KDM7A: variants seen among roughly 807,000 people sequenced by gnomAD.
The protein encoded by KDM7A is lysine demethylase 7A, also known as lysine-specific demethylase 7A.
KDM7A carries 28 observed loss-of-function variants against 114.8 expected under a neutral mutation model. The ratio of observed to expected loss-of-function variants is 0.24; its 90% CI spans 0.18 to 0.33. The LOEUF is 0.33. Among genes scored for constraint, KDM7A ranks in the 10% least tolerant of loss-of-function variants. The pLI is 1.00. For missense variants in KDM7A, 942 were observed against 1,142.5 expected, an observed-to-expected ratio of 0.82 and a Z score of 2.53; for synonymous variants, 423 against 397.8, an observed-to-expected ratio of 1.06 and a Z score of -0.75.
chr7:140,108,341 T>C (rs1818375921), intron 11 of KDM7A, among the ~76,000 whole-genome samples: 1 of 152,248 alleles, frequency 6.6e-6, no homozygotes, highest in South Asian at 2.1e-4. Context: ...TGCGTTCCTC[T>C]GGAGGGGAAG....
intron 2 of KDM7A, among the ~76,000 whole-genome samples, chr7:140,137,005 TAA>T (rs57147468): frequency 1.6e-4 from 23 of 142,080 alleles, no homozygotes; most frequent in African/African-American, 3.1e-4. Flanking sequence ...AAAAATAAAT[TAA>T]AAAAAAAAAA....
At chr7:140,159,622 T>C (rs1337309989) in intron 1 of KDM7A, among the ~76,000 whole-genome samples, 2 of 152,230 alleles carry the variant, frequency 1.3e-5, no homozygotes, top group Non-Finnish European at 2.9e-5. Context: ...TCCTGAGAAG[T>C]TGATCATCAA....
intron 19 of KDM7A, among the ~76,000 whole-genome samples, chr7:140,091,580 A>G (rs1466922143): frequency 6.6e-6 from 1 of 152,146 alleles, no homozygotes; most frequent in African/African-American, 2.4e-5. Flanking sequence ...CAGCCTGGCT[A>G]ACCCCTGAAC....
chr7:140,101,804 G>A (rs1036186382), intron 12 of KDM7A, 147 bp downstream of exon 12: 5 of 630,798 alleles, frequency 7.9e-6, no homozygotes, highest in Non-Finnish European at 1.1e-5. Flanking sequence ...ACCACTCCCT[G>A]TCACAGGCAT....
intron 1 of KDM7A, among the ~76,000 whole-genome samples, chr7:140,167,647 TA>T (rs1352435370): frequency 6.6e-6 from 1 of 151,838 alleles, no homozygotes; most frequent in African/African-American, 2.4e-5. Context: ...TTTAGAAGCT[TA>T]AAAAATAAAA....
chr7:140,140,098 A>C (rs773376484), intron 1 of KDM7A, among the ~76,000 whole-genome samples: 1 of 152,180 alleles, frequency 6.6e-6, no homozygotes, highest in Non-Finnish European at 1.5e-5. Flanking sequence ...TTTACTCCAG[A>C]GAGTAGGAAA....
chr7:140,089,208 C>G lies in KDM7A; in HGVS notation c.*1886G>C, dbSNP rs931024609. ...TGGCATAGTGTAGACAGGGTTTACACGGGTTGTTTATAGACACTAAGGATT... is the reference window on the plus strand; with the variant it reads ...TGGCATAGTGTAGACAGGGTTTACAGGGGTTGTTTATAGACACTAAGGATT... On this transcript the variant is annotated 3_prime_UTR_variant, in exon 20 of 20. Coordinates refer to ENST00000397560, the MANE Select transcript of KDM7A (RefSeq NM_030647.2). 1 of 152,106 alleles carries G rather than the reference C, an allele frequency of 6.6e-6. No individual in the cohort carries two copies. The highest frequency in any genetic ancestry group is 1.5e-5 in the Non-Finnish European group (1 of 68,012). The allele number at this position is 152,106 out of a possible 1,614,324, so 9.4% of individuals were successfully genotyped here. A position where few individuals can be genotyped will look rare whatever the true frequency, so the allele number is the denominator to read the frequency against.
rs1376710444 is a variant in KDM7A, at chr7:140,176,416, G to C, written c.194+328C>G. ...GGGCTGCGGACCCGGCCGGCGCTCCGCCCGACGCCCCCGCCGCGCCCGCCC... is the reference window on the plus strand; with the variant it reads ...GGGCTGCGGACCCGGCCGGCGCTCCCCCCGACGCCCCCGCCGCGCCCGCCC... On this transcript the variant is annotated intron_variant, in intron 1 of 19. Coordinates refer to ENST00000397560, the MANE Select transcript of KDM7A (RefSeq NM_030647.2). The surrounding 1 kb of genome is among the most constrained non-coding windows in gnomAD (Gnocchi z 4.4). 7.1e-6 allele frequency among the ~76,000 whole-genome samples: 1 copy of C among 140,480 alleles called. No individual in the cohort carries two copies. Among genetic ancestry groups the C allele is most frequent in the Non-Finnish European group, 1.6e-5 (1 of 64,282 alleles). 92.2% of individuals were successfully genotyped at this position (140,480 alleles called of 152,430 possible).
intron 1 of KDM7A, among the ~76,000 whole-genome samples, chr7:140,154,968 A>C (rs1343618559): frequency 2.0e-5 from 3 of 152,214 alleles, no homozygotes; most frequent in African/African-American, 7.2e-5. Context: ...AACCAAGTGT[A>C]TAGTAAAACC....
At chr7:140,114,968 C>G (rs997739358) in intron 9 of KDM7A, among the ~76,000 whole-genome samples, 11 of 148,948 alleles carry the variant, frequency 7.4e-5, no homozygotes, top group Non-Finnish European at 1.6e-4. Flanking sequence ...GGAGCCCCTC[C>G]GCCCGGCAGC....
intron 2 of KDM7A, among the ~76,000 whole-genome samples, chr7:140,133,912 G>T (rs998666610): frequency 2.3e-4 from 35 of 152,144 alleles, no homozygotes; most frequent in African/African-American, 8.2e-4. Flanking sequence ...CAAATCAGCA[G>T]ATGGAGCCTT....
intron 1 of KDM7A, among the ~76,000 whole-genome samples, chr7:140,151,374 G>T (rs1049487206): frequency 2.0e-5 from 3 of 152,116 alleles, no homozygotes; most frequent in Non-Finnish European, 4.4e-5. Flanking sequence ...ATTACATAGT[G>T]GATTCTCACA....
chr7:140,118,680 G>A (rs1217541717), intron 9 of KDM7A, among the ~76,000 whole-genome samples: 1 of 125,592 alleles, frequency 8.0e-6, no homozygotes, highest in Non-Finnish European at 1.8e-5. Context: ...GCCTCCCAAA[G>A]TGCTAGGATT....
intron 12 of KDM7A, among the ~76,000 whole-genome samples, chr7:140,101,670 T>C (rs1360552259): frequency 2.0e-5 from 3 of 152,298 alleles, no homozygotes; most frequent in South Asian, 2.1e-4. Context: ...ACTTAAGTTT[T>C]GCTCACAATC....
intron 11 of KDM7A, among the ~76,000 whole-genome samples, chr7:140,102,644 A>G (rs1055148197): frequency 1.3e-5 from 2 of 152,320 alleles, no homozygotes; most frequent in Admixed American, 6.5e-5. Flanking sequence ...AAGTGCTGGG[A>G]TTACCGGTGT....
chr7:140,154,134 C>T (rs1794431897), intron 1 of KDM7A, among the ~76,000 whole-genome samples: 1 of 152,106 alleles, frequency 6.6e-6, no homozygotes. Flanking sequence ...TCAGTGCACA[C>T]CAGAACCCTG....
intron 6 of KDM7A, among the ~76,000 whole-genome samples, 172 bp downstream of exon 6, chr7:140,126,465 A>ATT (rs1818704882): frequency 6.6e-6 from 1 of 151,016 alleles, no homozygotes; most frequent in South Asian, 2.1e-4. Context: ...TTGAGATTAA[A>ATT]AAAAAAAATC....
intron 14 of KDM7A, 68 bp from the exon 15 acceptor site, chr7:140,097,710 G>A: frequency 3.5e-6 from 3 of 858,124 alleles, no homozygotes; most frequent in Admixed American, 1.9e-5. Flanking sequence ...GTGACAAGAT[G>A]GTATCTAAAG....
chr7:140,127,165 TGGC>T (rs1818719255), intron 5 of KDM7A, among the ~76,000 whole-genome samples: 1 of 152,248 alleles, frequency 6.6e-6, no homozygotes. Context: ...TACGCCATGT[TGGC>T]CAGGCTGGTT....
Sources: gnomAD v4.1 joint callset for allele counts (sites outside exome capture counted in the v4.1 genomes callset) on GRCh38, gnomAD v4.1.1 for gene constraint, Gnocchi (gnomAD v3.1) non-coding constraint, MANE v1.5 for transcripts, NCBI Gene and HGNC (gene_info 2026-07-23, HGNC 2026-07-21) for gene names.